Variants in SYNJ2 observed in about 807,000 individuals in gnomAD.
SYNJ2 encodes the protein synaptojanin 2, also known as polyphosphatidylinositol phosphatase SYNJ2.
SYNJ2 carries 116 observed loss-of-function variants against 141.3 expected under a neutral mutation model. The observed-to-expected ratio is 0.82, with a 90% CI of 0.71 to 0.96. The LOEUF (loss-of-function observed/expected upper bound fraction) is 0.96, where lower values mean the gene tolerates loss of function less well. SYNJ2 is among the 40% of genes least tolerant of loss of function. The pLI, the probability that SYNJ2 is intolerant of heterozygous loss-of-function variation, is 0.00. For missense variants in SYNJ2, 1,873 were observed against 1,934.8 expected (o/e 0.97, Z 0.60); for synonymous variants, 745 against 777.7 (o/e 0.96, Z 0.70).
intron 1 of SYNJ2, among the ~76,000 whole-genome samples, chr6:157,985,510 G>A (rs537509154): frequency 9.7e-4 from 148 of 152,336 alleles, no homozygotes; most frequent in Middle Eastern, 3.4e-3. Context: ...GCACAGGTGG[G>A]AAGCCCCGTA....
At chr6:158,051,397 G>C (rs777072435) in intron 5 of SYNJ2, among the ~76,000 whole-genome samples, 2 of 152,068 alleles carry the variant, frequency 1.3e-5, no homozygotes, top group Non-Finnish European at 2.9e-5. Flanking sequence ...GATGGAGCAG[G>C]CCTCTCGGTA....
intron 15 of SYNJ2, among the ~76,000 whole-genome samples, chr6:158,072,459 C>T (rs1443360315): frequency 1.3e-5 from 2 of 152,192 alleles, no homozygotes; most frequent in East Asian, 1.9e-4. Context: ...GTGGTGCACA[C>T]GAGGCCACCT....
At chr6:158,093,177 T>C (rs563577218) in intron 26 of SYNJ2, 73 bp downstream of exon 26, 2 of 1,497,198 alleles carry the variant, frequency 1.3e-6, no homozygotes, top group Admixed American at 4.7e-5. Context: ...AATTGTGGCC[T>C]GTAATCCCAG....
At chr6:158,073,347 AC>A (rs1284266557) in intron 15 of SYNJ2, among the ~76,000 whole-genome samples, 1 of 151,504 alleles carries the variant, frequency 6.6e-6, no homozygotes, top group African/African-American at 2.4e-5. Flanking sequence ...ACAGGCGTGC[AC>A]CACCAGGCCC....
At chr6:158,087,553 G>A (rs1327566847) in intron 23 of SYNJ2, among the ~76,000 whole-genome samples, 1 of 152,188 alleles carries the variant, frequency 6.6e-6, no homozygotes, top group Admixed American at 6.5e-5. Context: ...GCTGTGATGT[G>A]CTTTTGATCC....
intron 6 of SYNJ2, among the ~76,000 whole-genome samples, chr6:158,057,308 CCCCTTACACCCTGGGTGCCAGCGCT>C (rs1487051004): frequency 1.3e-5 from 2 of 152,138 alleles, no homozygotes; most frequent in South Asian, 4.2e-4. Flanking sequence ...GTGCCAGCGT[CCCCTTACACCCTGGGTGCCAGCGCT>C]CCCTTACGCC....
chr6:158,064,205 G>C (rs1396306737), intron 9 of SYNJ2, among the ~76,000 whole-genome samples: 4 of 152,338 alleles, frequency 2.6e-5, no homozygotes, highest in Admixed American at 6.5e-5. Context: ...GGCCGGATGA[G>C]GCTGGATTTG....
intron 3 of SYNJ2, among the ~76,000 whole-genome samples, chr6:158,032,036 CAT>C (rs1779392463): frequency 6.6e-6 from 1 of 152,092 alleles, no homozygotes; most frequent in East Asian, 1.9e-4. Flanking sequence ...GGAAGAGGGA[CAT>C]GTGTTTTTGT....
chr6:158,011,495 A>G (rs1778269179), intron 1 of SYNJ2, among the ~76,000 whole-genome samples: 1 of 152,176 alleles, frequency 6.6e-6, no homozygotes. Context: ...TGTTTTTCTC[A>G]AGGGGTCAAT....
chr6:157,994,908 G>A (rs375797050), intron 1 of SYNJ2, among the ~76,000 whole-genome samples: 11 of 152,254 alleles, frequency 7.2e-5, no homozygotes, highest in African/African-American at 2.4e-4. Flanking sequence ...GGCCAGGAGC[G>A]CCCCTCCATT....
Position 158,097,363 on chromosome 6 carries a change from G to A in SYNJ2, c.*999G>A, listed in dbSNP as rs1248225259. ...TGTTTCTGGGTTTGCTTGTCTATAT[G>A]TTTGTCTATATTTTTTGCCTATACA... On this transcript the variant is annotated 3_prime_UTR_variant, in exon 27 of 27. Coordinates refer to ENST00000355585, the MANE Select transcript of SYNJ2 (RefSeq NM_003898.4). 1 of 152,176 alleles carries A rather than the reference G, an allele frequency of 6.6e-6. No homozygotes were observed. Among genetic ancestry groups the A allele is most frequent in the South Asian group, 2.1e-4 (1 of 4,832 alleles). 9.4% of individuals were successfully genotyped at this position (152,176 alleles called of 1,614,324 possible). A position where few individuals can be genotyped will look rare whatever the true frequency, so the allele number is the denominator to read the frequency against.
intron 10 of SYNJ2, 38 bp downstream of exon 10, chr6:158,064,788 G>A (rs776817067): frequency 1.2e-6 from 2 of 1,611,482 alleles, no homozygotes; most frequent in Non-Finnish European, 1.7e-6. Context: ...GGGGCCCCAG[G>A]GACCCCCCTC....
Position 158,084,295 on chromosome 6 carries a change from C to T in SYNJ2, c.3208+121C>T. The T allele has an allele frequency of 8.5e-7, 1 of 1,179,806 alleles. No homozygotes were observed. The highest frequency in any genetic ancestry group is 1.5e-5 in the South Asian group (1 of 65,806). 73.1% of individuals were successfully genotyped at this position (1,179,806 alleles called of 1,614,324 possible). A position where few individuals can be genotyped will look rare whatever the true frequency, so the allele number is the denominator to read the frequency against. On this transcript the variant is annotated intron_variant, in intron 22 of 26. Transcript: ENST00000355585. The surrounding 1 kb of genome is among the most constrained non-coding windows in gnomAD (Gnocchi z 5.0). ...CAAGTATGCAGGTCCCAGGAGAGAC[C>T]TCAACCAGGCAGGCCAAGCGAGGGG...
In SYNJ2 at chr6:158,018,005, C is replaced by A. The variant is rs572292323; in HGVS notation, c.214+715C>A. Reference sequence around the variant, plus strand: ...GGGTGGGTGAAGACAGGGACCAGGGCAGATGCCCGGGGGCACAGGGGTGGG... The same window carrying A: ...GGGTGGGTGAAGACAGGGACCAGGGAAGATGCCCGGGGGCACAGGGGTGGG... On this transcript the variant is annotated intron_variant, in intron 2 of 26. Transcript: ENST00000355585. Among the ~76,000 whole-genome samples the A allele has an allele frequency of 2.5e-4, 38 of 152,242 alleles. No homozygotes were observed. In the South Asian group the frequency reaches 7.5e-3, roughly 30 times the overall value.
chr6:158,036,611 A>C (rs1421354128), intron 4 of SYNJ2, among the ~76,000 whole-genome samples: 1 of 152,140 alleles, frequency 6.6e-6, no homozygotes, highest in African/African-American at 2.4e-5. Context: ...ACTGGGGCCT[A>C]TCAGAGGGTG....
intron 1 of SYNJ2, among the ~76,000 whole-genome samples, chr6:157,985,793 G>A (rs535721268): frequency 8.5e-5 from 13 of 152,138 alleles, no homozygotes; most frequent in Non-Finnish European, 1.6e-4. Context: ...CCGCCCAGCC[G>A]GGCTTTGCTG....
intron 7 of SYNJ2, 165 bp downstream of exon 7, chr6:158,059,518 G>A: frequency 7.1e-7 from 1 of 1,414,350 alleles, no homozygotes; most frequent in East Asian, 2.7e-5. Flanking sequence ...GCAGTGCTCA[G>A]TGACTCGGGC....
At position 158,081,516 on chromosome 6, in the gene SYNJ2, C is replaced by CTGCT; in HGVS notation, c.2865+8_2865+9insCTTG. 1 of 1,597,498 alleles carries CTGCT rather than the reference C, an allele frequency of 6.3e-7. No individual in the cohort carries two copies. The highest frequency in any genetic ancestry group is 8.5e-7 in the Non-Finnish European group (1 of 1,170,766). On this transcript the variant is annotated splice_region_variant and intron_variant, in intron 20 of 26. Coordinates refer to ENST00000355585, the MANE Select transcript of SYNJ2 (RefSeq NM_003898.4). ...TGGACGTGGACGGTATGAAGGTACG[C>CTGCT]TGTACTTGGCCACACTGTGGAGTGG... is the stretch of plus-strand genomic sequence containing the variant.
chr6:158,059,220 C>T lies in SYNJ2; in HGVS notation c.858-37C>T, dbSNP rs534579189. ...ACAGGGCAGAGTCTGCACCTGTGCC[C>T]GTGCCCAGCATCACGCCCACCCCGC... On this transcript the variant is annotated intron_variant, in intron 6 of 26. Coordinates refer to ENST00000355585, the MANE Select transcript of SYNJ2 (RefSeq NM_003898.4). 34 of 1,515,498 alleles carry T rather than the reference C, an allele frequency of 2.2e-5. No individual in the cohort carries two copies. The East Asian group carries it at 2.5e-4, about 11-fold the overall frequency. The allele number at this position is 1,515,498 out of a possible 1,614,324, so 93.9% of individuals were successfully genotyped here.
Sources: gnomAD v4.1 joint callset for allele counts (sites outside exome capture counted in the v4.1 genomes callset) on GRCh38, gnomAD v4.1.1 for gene constraint, Gnocchi (gnomAD v3.1) non-coding constraint, MANE v1.5 for transcripts, NCBI Gene and HGNC (gene_info 2026-07-23, HGNC 2026-07-21) for gene names.